Variants in PEMT observed in about 807,000 individuals in gnomAD.
The protein encoded by PEMT is phosphatidylethanolamine N-methyltransferase, also known as phospholipid methyltransferase.
A neutral mutation model predicts 27.4 loss-of-function variants in PEMT; 23 were observed. That is an observed-to-expected ratio of 0.84 (90% CI 0.60 to 1.19). PEMT has a LOEUF of 1.19. PEMT is among the 50% of genes most tolerant of loss of function. PEMT has a pLI of 0.00. For synonymous variants in PEMT, 137 were observed against 139.1 expected, an observed-to-expected ratio of 0.98 and a Z score of 0.11; for missense variants, 307 against 310.1, an observed-to-expected ratio of 0.99 and a Z score of 0.07.
At chr17:17,531,079 G>C (rs1431002183) in intron 2 of PEMT, among the ~76,000 whole-genome samples, 1 of 151,916 alleles carries the variant, frequency 6.6e-6, no homozygotes, top group African/African-American at 2.4e-5. Flanking sequence ...TCCTAGAGAG[G>C]CCTGGAACAG....
chr17:17,511,453 CCTT>C (rs1476176776), intron 4 of PEMT, among the ~76,000 whole-genome samples: 1 of 152,190 alleles, frequency 6.6e-6, no homozygotes, highest in African/African-American at 2.4e-5. Context: ...GGCACAAGCT[CCTT>C]GAGAACTTGG....
At chr17:17,526,352 C>T (rs940970790) in intron 2 of PEMT, among the ~76,000 whole-genome samples, 2 of 152,178 alleles carry the variant, frequency 1.3e-5, no homozygotes, top group African/African-American at 2.4e-5. Flanking sequence ...CGCCAAAAGC[C>T]GACAGCACTT....
At chr17:17,568,876 C>T (rs532850685) in intron 2 of PEMT, among the ~76,000 whole-genome samples, 28 of 152,306 alleles carry the variant, frequency 1.8e-4, no homozygotes, top group South Asian at 4.1e-4. Flanking sequence ...GAGAAGCACA[C>T]CTCACCTTGC....
intron 1 of PEMT, among the ~76,000 whole-genome samples, chr17:17,580,418 A>G (rs985492808): frequency 6.6e-6 from 1 of 152,116 alleles, no homozygotes; most frequent in African/African-American, 2.4e-5. Flanking sequence ...CGGAGGTTGC[A>G]GTGAGCCAAG....
chr17:17,505,881 A>G (rs1244547053), intron 6 of PEMT, 33 bp from the exon 7 acceptor site: 3 of 1,598,500 alleles, frequency 1.9e-6, no homozygotes, highest in African/African-American at 1.3e-5. Flanking sequence ...TTCGGTCAGC[A>G]GGTCCTGGGG....
intron 3 of PEMT, among the ~76,000 whole-genome samples, chr17:17,516,244 T>C (rs536026663): frequency 2.0e-5 from 3 of 152,266 alleles, no homozygotes; most frequent in African/African-American, 7.2e-5. Flanking sequence ...AAATGAGTCG[T>C]CTGATGGGCT....
chr17:17,507,188 G>T (rs752825262), intron 5 of PEMT: 1 of 1,559,020 alleles, frequency 6.4e-7, no homozygotes, highest in Non-Finnish European at 8.7e-7. Context: ...CACAGCTCCC[G>T]CAGGTGCTGG....
At chr17:17,529,800 AG>A (rs1473493172) in intron 2 of PEMT, among the ~76,000 whole-genome samples, 1 of 152,184 alleles carries the variant, frequency 6.6e-6, no homozygotes. Flanking sequence ...TTCAAATTCT[AG>A]CTCCAGCACT....
At chr17:17,525,578 CCT>C (rs1467891086) in intron 2 of PEMT, among the ~76,000 whole-genome samples, 1 of 152,190 alleles carries the variant, frequency 6.6e-6, no homozygotes, top group Non-Finnish European at 1.5e-5. Flanking sequence ...CTGGTTTTTG[CCT>C]GTCTTCTAGA....
chr17:17,581,363 T>C (rs1597965276), intron 1 of PEMT, among the ~76,000 whole-genome samples: 1 of 152,128 alleles, frequency 6.6e-6, no homozygotes, highest in East Asian at 1.9e-4. Context: ...GCCTTGTTGT[T>C]AGCCTACTTT....
intron 2 of PEMT, among the ~76,000 whole-genome samples, chr17:17,564,170 C>T (rs1910672823): frequency 6.6e-6 from 1 of 152,204 alleles, no homozygotes; most frequent in African/African-American, 2.4e-5. Context: ...CGGCATCGAA[C>T]ACCAGGTCCT....
At chr17:17,580,940 T>C (rs1023334707) in intron 1 of PEMT, among the ~76,000 whole-genome samples, 5 of 152,264 alleles carry the variant, frequency 3.3e-5, no homozygotes, top group African/African-American at 1.2e-4. Context: ...TGGACCAGCA[T>C]GCTGTTAGCC....
intron 2 of PEMT, among the ~76,000 whole-genome samples, chr17:17,543,928 G>A (rs1909067860): frequency 6.6e-6 from 1 of 152,230 alleles, no homozygotes. Flanking sequence ...TTTGCTAGAT[G>A]ACTGTCAGTG....
At chr17:17,555,836 T>C (rs185054473) in intron 2 of PEMT, among the ~76,000 whole-genome samples, 1 of 152,284 alleles carries the variant, frequency 6.6e-6, no homozygotes, top group East Asian at 1.9e-4. Context: ...ATATGGCATC[T>C]GGGTGGGGCA....
rs748724 is a variant in PEMT, at chr17:17,518,768, C to T, written c.320+3512G>A. On this transcript the variant is annotated intron_variant, in intron 3 of 6. Transcript: ENST00000255389. ...GGACCCCACAAAGCTTGCCATCTCCCATGGAGAACGATGCCACACCCCAAA... is the reference window on the plus strand; with the variant it reads ...GGACCCCACAAAGCTTGCCATCTCCTATGGAGAACGATGCCACACCCCAAA... Among the ~76,000 whole-genome samples the T allele has an allele frequency of 3.7e-3, 561 of 152,296 alleles. 4 individuals carry two copies. The highest frequency in any genetic ancestry group is 0.013 in the African/African-American group (538 of 41,558).
chr17:17,519,993 C>T (rs1339319632), intron 3 of PEMT, among the ~76,000 whole-genome samples: 2 of 152,178 alleles, frequency 1.3e-5, no homozygotes, highest in East Asian at 1.9e-4. Flanking sequence ...ATGGTGGTCC[C>T]GGCATGCTCT....
At chr17:17,574,881 G>C (rs70959694) in intron 2 of PEMT, among the ~76,000 whole-genome samples, 9,114 of 152,284 alleles carry the variant, frequency 0.06, 382 homozygotes, top group East Asian at 0.14. Context: ...TCCTCCGGCT[G>C]TAAGAGCCCA....
intron 1 of PEMT, among the ~76,000 whole-genome samples, chr17:17,586,270 AAG>A (rs1411441607): frequency 8.6e-6 from 1 of 116,854 alleles, no homozygotes; most frequent in Non-Finnish European, 1.7e-5. Flanking sequence ...GAAAGAAAGA[AAG>A]AAAGAAAGAA....
chr17:17,586,266 AAGAAAGAAAGAAAGAAAGAAAG>A (rs1912284783), intron 1 of PEMT, among the ~76,000 whole-genome samples: 3 of 118,152 alleles, frequency 2.5e-5, no homozygotes, highest in Admixed American at 8.4e-5. Flanking sequence ...GAAAGAAAGA[AAGAAAGAAAGAAAGAAAGAAAG>A]AAAAAAAAAA....
Sources: gnomAD v4.1 joint callset for allele counts (sites outside exome capture counted in the v4.1 genomes callset) on GRCh38, gnomAD v4.1.1 for gene constraint, MANE v1.5 for transcripts, NCBI Gene and HGNC (gene_info 2026-07-23, HGNC 2026-07-21) for gene names.